Variants in KHK observed in about 807,000 individuals in gnomAD.
The protein encoded by KHK is fructokinase.
KHK carries 37 observed loss-of-function variants against 36.0 expected under a neutral mutation model. The observed-to-expected ratio is 1.03, with a 90% CI of 0.79 to 1.35. The LOEUF is 1.35. KHK is among the 40% of genes most tolerant of loss of function. The probability of loss-of-function intolerance (pLI) is 0.00; values close to 1 mark genes in which losing one functional copy is unlikely to be tolerated. For missense variants in KHK, 395 were observed against 391.9 expected, an observed-to-expected ratio of 1.01 and a Z score of -0.07; for synonymous variants, 161 against 162.8, an observed-to-expected ratio of 0.99 and a Z score of 0.08.
Position 27,099,793 on chromosome 2 carries a change from C to A in KHK, c.*43C>A. 6.2e-7 allele frequency: 1 copy of A among 1,601,150 alleles called. No homozygotes were observed. Among genetic ancestry groups the A allele is most frequent in the Admixed American group, 1.7e-5 (1 of 58,186 alleles). On this transcript the variant is annotated 3_prime_UTR_variant, in exon 8 of 8. Transcript: ENST00000260598. Reference sequence around the variant, plus strand: ...TCACACACCATGGAGACTACCATTGCGGCTGCATCGCCTTCTCCCCTCCAT... The same window carrying A: ...TCACACACCATGGAGACTACCATTGAGGCTGCATCGCCTTCTCCCCTCCAT...
rs200367542 is a variant in KHK at position 27,100,018 on chromosome 2, T to TCTGA, written c.*271_*274dup. The TCTGA allele has an allele frequency of 0.01, 7,075 of 684,102 alleles. 61 individuals carry two copies. Among genetic ancestry groups the TCTGA allele is most frequent in the Non-Finnish European group, 0.013 (5,341 of 396,980 alleles). The allele number at this position is 684,102 out of a possible 1,614,324, so 42.4% of individuals were successfully genotyped here. ...TGCTCTGGCTGGGCATTCCTGAGGC[T>TCTGA]CTGACTCTTCGATCCTCCCTCTTTG... On this transcript the variant is annotated 3_prime_UTR_variant, in exon 8 of 8. Coordinates refer to ENST00000260598, the MANE Select transcript of KHK (RefSeq NM_006488.3).
At position 27,100,087 on chromosome 2, in the gene KHK, G is replaced by A. The variant is rs1445435188; in HGVS notation, c.*337G>A. The A allele has an allele frequency of 6.8e-6, 4 of 590,604 alleles. No homozygotes were observed. The African/African-American group carries it at 7.5e-5, about 11-fold the overall frequency. 36.6% of individuals were successfully genotyped at this position (590,604 alleles called of 1,614,324 possible). On this transcript the variant is annotated 3_prime_UTR_variant, in exon 8 of 8. Transcript: ENST00000260598. Reference sequence around the variant, plus strand: ...ACCTCTCCGCCCAGGCCCAGAGGAGGGGCTGCCTGGGCTAGAGCAGCGAGA... The same window carrying A: ...ACCTCTCCGCCCAGGCCCAGAGGAGAGGCTGCCTGGGCTAGAGCAGCGAGA...
At chr2:27,092,143 G>A (rs1670045187) in intron 1 of KHK, among the ~76,000 whole-genome samples, 189 bp from the exon 2 acceptor site, 1 of 152,218 alleles carries the variant, frequency 6.6e-6, no homozygotes, top group Non-Finnish European at 1.5e-5. Context: ...GGGCTGGGGA[G>A]GTAGACACCG....
At chr2:27,089,469 G>A (rs775927375) in intron 1 of KHK, among the ~76,000 whole-genome samples, 2 of 152,184 alleles carry the variant, frequency 1.3e-5, no homozygotes, top group African/African-American at 2.4e-5. Context: ...AAGACTCAGC[G>A]CCTCTTTCTG....
chr2:27,087,002 C>T lies in KHK; in HGVS notation c.-258C>T, dbSNP rs1669696679. 1 of 413,358 alleles carries T rather than the reference C, an allele frequency of 2.4e-6. No individual in the cohort carries two copies. The highest frequency in any genetic ancestry group is 3.9e-5 in the Admixed American group (1 of 25,552). The allele number at this position is 413,358 out of a possible 1,614,324, so 25.6% of individuals were successfully genotyped here. On this transcript the variant is annotated 5_prime_UTR_variant, in exon 1 of 8. Coordinates refer to ENST00000260598, the MANE Select transcript of KHK (RefSeq NM_006488.3). ...GCCATCTGCAGGCCCAGGCAACCTGCTACGGGAAGACCGGGGACCAAGACC... is the reference window on the plus strand; with the variant it reads ...GCCATCTGCAGGCCCAGGCAACCTGTTACGGGAAGACCGGGGACCAAGACC...
At chr2:27,087,565 A>G (rs763969946) in intron 1 of KHK, among the ~76,000 whole-genome samples, 4 of 152,218 alleles carry the variant, frequency 2.6e-5, no homozygotes, top group South Asian at 4.1e-4. Context: ...CCAGGATTTA[A>G]TAGCATCGTG....
intron 5 of KHK, 185 bp from the exon 6 acceptor site, chr2:27,099,011 G>T: frequency 1.6e-6 from 1 of 628,472 alleles, no homozygotes; most frequent in South Asian, 1.6e-5. Context: ...ACCAGCCTCA[G>T]GGAGACCATC....
At chr2:27,099,342 G>A in intron 6 of KHK, 58 bp downstream of exon 6, 1 of 1,613,350 alleles carries the variant, frequency 6.2e-7, no homozygotes, top group African/African-American at 1.3e-5. Context: ...CTGGACTCCA[G>A]GAGTCCGCCC....
At position 27,099,990 on chromosome 2, in the gene KHK, A is replaced by C. The variant is rs1205293794; in HGVS notation, c.*240A>C. 2.5e-6 allele frequency: 2 copies of C among 816,220 alleles called. No homozygotes were observed. Among genetic ancestry groups the C allele is most frequent in the African/African-American group, 3.9e-5 (2 of 50,902 alleles). The allele number at this position is 816,220 out of a possible 1,614,324, so 50.6% of individuals were successfully genotyped here. The stretch of plus-strand genomic sequence containing the variant: ...AGCCAGCTTCTCCTCTCAATGTCTG[A>C]ACTGCTCTGGCTGGGCATTCCTGAG... On this transcript the variant is annotated 3_prime_UTR_variant, in exon 8 of 8. Transcript: ENST00000260598.
intron 2 of KHK, among the ~76,000 whole-genome samples, chr2:27,093,876 A>G (rs1670158051): frequency 6.6e-6 from 1 of 152,170 alleles, no homozygotes; most frequent in South Asian, 2.1e-4. Flanking sequence ...CTGATTGCCC[A>G]GGAGGGTTCA....
intron 3 of KHK, among the ~76,000 whole-genome samples, chr2:27,095,947 T>C (rs1249103517): frequency 6.6e-6 from 1 of 152,246 alleles, no homozygotes; most frequent in Admixed American, 6.5e-5. Flanking sequence ...GAGAAATGTT[T>C]CTTGCCCACT....
chr2:27,100,571 A>AGG lies in KHK; in HGVS notation c.*823_*824dup. ...ATAATGTAAAGAGCATATAATGTAA[A>AGG]GGGCTTTAGAGTGAGACAGACCTGG... is the stretch of plus-strand genomic sequence containing the variant. On this transcript the variant is annotated 3_prime_UTR_variant, in exon 8 of 8. Coordinates refer to ENST00000260598, the MANE Select transcript of KHK (RefSeq NM_006488.3). 7.8e-7 allele frequency: 1 copy of AGG among 1,283,058 alleles called. No individual in the cohort carries two copies. Among genetic ancestry groups the AGG allele is most frequent in the South Asian group, 1.2e-5 (1 of 80,814 alleles). The allele number at this position is 1,283,058 out of a possible 1,614,324, so 79.5% of individuals were successfully genotyped here.
intron 1 of KHK, among the ~76,000 whole-genome samples, chr2:27,091,208 G>A (rs982198032): frequency 6.6e-6 from 1 of 152,052 alleles, no homozygotes; most frequent in African/African-American, 2.4e-5. Context: ...AGCCTCCTGA[G>A]TAGCTGGGAC....
At chr2:27,092,304 C>A in intron 1 of KHK, 28 bp from the exon 2 acceptor site, 1 of 1,561,858 alleles carries the variant, frequency 6.4e-7, no homozygotes, top group Non-Finnish European at 8.8e-7. Flanking sequence ...CCTGCTGGGG[C>A]TGCAGGGACC....
At position 27,099,879 on chromosome 2, in the gene KHK, G is replaced by A; in HGVS notation, c.*129G>A. 6.5e-7 allele frequency: 1 copy of A among 1,548,144 alleles called. No homozygotes were observed. Among genetic ancestry groups the A allele is most frequent in the Non-Finnish European group, 8.7e-7 (1 of 1,145,344 alleles). On this transcript the variant is annotated 3_prime_UTR_variant, in exon 8 of 8. Transcript: ENST00000260598. The stretch of plus-strand genomic sequence containing the variant: ...AGATGCAAGCTGTGGGGAGGACTCT[G>A]CCTGTGTCCTGTGTTCCCCACAGGG...
At position 27,100,608 on chromosome 2, in the gene KHK, C is replaced by A; in HGVS notation, c.*858C>A. 1 of 1,216,274 alleles carries A rather than the reference C, an allele frequency of 8.2e-7. No individual in the cohort carries two copies. The highest frequency in any genetic ancestry group is 1.1e-6 in the Non-Finnish European group (1 of 927,206). The allele number at this position is 1,216,274 out of a possible 1,614,324, so 75.3% of individuals were successfully genotyped here. ...TGAGACAGACCTGGATTAAAATCTG[C>A]CATTTAATTAGCTGCATATCACCTT... On this transcript the variant is annotated 3_prime_UTR_variant, in exon 8 of 8. Coordinates refer to ENST00000260598, the MANE Select transcript of KHK (RefSeq NM_006488.3).
Position 27,100,723 on chromosome 2 carries a change from A to AAAT in KHK, c.*974_*976dup, listed in dbSNP as rs1277296336. ...TGGCTACAGAATTATTGTGAGGATA[A>AAAT]AATCATATATAAAATGCCCAGCATG... On this transcript the variant is annotated 3_prime_UTR_variant, in exon 8 of 8. Transcript: ENST00000260598. 2 of 1,135,264 alleles carry AAAT rather than the reference A, an allele frequency of 1.8e-6. No homozygotes were observed. Among genetic ancestry groups the AAAT allele is most frequent in the Non-Finnish European group, 2.2e-6 (2 of 893,518 alleles). The allele number at this position is 1,135,264 out of a possible 1,614,324, so 70.3% of individuals were successfully genotyped here. A position where few individuals can be genotyped will look rare whatever the true frequency, so the allele number is the denominator to read the frequency against.
chr2:27,099,729 G>C lies in KHK; in HGVS notation c.876G>C (p.Gln292His). 8 of 1,614,140 alleles carry C rather than the reference G, an allele frequency of 5.0e-6. No homozygotes were observed. Among genetic ancestry groups the C allele is most frequent in the Non-Finnish European group, 6.8e-6 (8 of 1,180,014 alleles). Residue 292 changes from glutamine to histidine, a missense_variant, in exon 8 of 8, where the codon CAG (glutamine) becomes CAC (histidine). Gln to His is a conservative substitution (Grantham distance 24). Transcript: ENST00000260598. ...CQVAGKKCGL[Q>H]GFDGIV The stretch of plus-strand genomic sequence containing the variant: ...TGGCCGGCAAGAAGTGTGGCCTGCA[G>C]GGCTTTGATGGCATCGTGTGAGAGC...
At position 27,100,731 on chromosome 2, in the gene KHK, T is replaced by C; in HGVS notation, c.*981T>C. Reference sequence around the variant, plus strand: ...GAATTATTGTGAGGATAAAATCATATATAAAATGCCCAGCATGATGCCTGA... The same window carrying C: ...GAATTATTGTGAGGATAAAATCATACATAAAATGCCCAGCATGATGCCTGA... On this transcript the variant is annotated 3_prime_UTR_variant, in exon 8 of 8. Coordinates refer to ENST00000260598, the MANE Select transcript of KHK (RefSeq NM_006488.3). 8.8e-7 allele frequency: 1 copy of C among 1,138,130 alleles called. No homozygotes were observed. Among genetic ancestry groups the C allele is most frequent in the Non-Finnish European group, 1.1e-6 (1 of 897,236 alleles). The allele number at this position is 1,138,130 out of a possible 1,614,324, so 70.5% of individuals were successfully genotyped here.
Sources: allele counts gnomAD v4.1 joint callset (sites outside exome capture counted in the v4.1 genomes callset), GRCh38; gene constraint gnomAD v4.1.1; transcripts MANE v1.5; gene names NCBI Gene and HGNC (gene_info 2026-07-23, HGNC 2026-07-21).